Variants in TMEM26 observed in about 807,000 individuals in gnomAD.
The protein encoded by TMEM26 is transmembrane protein 26.
Under a neutral mutation model 28.8 loss-of-function variants are expected in TMEM26, and 38 were observed. That is an observed-to-expected ratio of 1.32 (90% CI 1.02 to 1.73). TMEM26 has a LOEUF of 1.73. TMEM26 is among the 40% of genes most tolerant of loss of function. The pLI is 0.00. For missense variants in TMEM26, 518 were observed against 447.1 expected (o/e 1.16, Z -1.43); for synonymous variants, 227 against 182.9 (o/e 1.24, Z -1.95).
intron 5 of TMEM26, among the ~76,000 whole-genome samples, chr10:61,411,095 G>A (rs1227229444): frequency 6.6e-6 from 1 of 152,152 alleles, no homozygotes; most frequent in Admixed American, 6.5e-5. Flanking sequence ...AAAAAATAAA[G>A]GAAGCCACCA....
chr10:61,451,225 A>G (rs1056745235), intron 1 of TMEM26, among the ~76,000 whole-genome samples: 3 of 152,212 alleles, frequency 2.0e-5, no homozygotes. Flanking sequence ...ACCAATCAGC[A>G]GTAAACAAAG....
At chr10:61,414,056 C>T (rs1839612058) in intron 4 of TMEM26, 1 of 986,278 alleles carries the variant, frequency 1.0e-6, no homozygotes, top group Non-Finnish European at 1.2e-6. Flanking sequence ...AAGATTTATA[C>T]CAGATAGTAG....
intron 3 of TMEM26, among the ~76,000 whole-genome samples, chr10:61,429,838 A>C (rs1839892394): frequency 6.6e-6 from 1 of 152,094 alleles, no homozygotes; most frequent in South Asian, 2.1e-4. Context: ...GCCCAATTAC[A>C]TTCTAAATAA....
chr10:61,418,135 C>T (rs1026638777), intron 4 of TMEM26, among the ~76,000 whole-genome samples: 7 of 151,648 alleles, frequency 4.6e-5, no homozygotes, highest in African/African-American at 2.4e-5. Flanking sequence ...AAGACTATTG[C>T]AATACAGGAG....
In TMEM26 at chr10:61,429,127, T is replaced by A. The variant is rs748608233; in HGVS notation, c.404A>T (p.Asn135Ile). 3 of 1,612,706 alleles carry A rather than the reference T, an allele frequency of 1.9e-6. No homozygotes were observed. The East Asian group carries it at 6.7e-5, about 36-fold the overall frequency. Residue 135 changes from asparagine to isoleucine, a missense_variant, in exon 4 of 6, where the codon AAC (asparagine) becomes ATC (isoleucine). Physicochemically the swap from Asn to Ile is moderately radical, Grantham distance 149. Transcript: ENST00000399298. ...AACTTTCTCACATACTGTAGATAAG[T>A]TATTCACAAAAACTTTGGCCTGTTT... ...LIETAKVFVNNLSTVCEKVWT... is the reference protein window; with the variant it reads ...LIETAKVFVNILSTVCEKVWT...
chr10:61,449,388 T>C (rs1840238711), intron 1 of TMEM26, among the ~76,000 whole-genome samples: 1 of 152,212 alleles, frequency 6.6e-6, no homozygotes, highest in African/African-American at 2.4e-5. Flanking sequence ...TTACTAGTGT[T>C]GATGTAATGT....
chr10:61,453,270 T>G lies in TMEM26; in HGVS notation c.-189A>C. 1.6e-6 allele frequency: 1 copy of G among 611,728 alleles called. No individual in the cohort carries two copies. The highest frequency in any genetic ancestry group is 2.9e-6 in the Non-Finnish European group (1 of 350,196). 37.9% of individuals were successfully genotyped at this position (611,728 alleles called of 1,614,324 possible). On this transcript the variant is annotated 5_prime_UTR_variant, in exon 1 of 6. Coordinates refer to ENST00000399298, the MANE Select transcript of TMEM26 (RefSeq NM_178505.8). Reference sequence around the variant, plus strand: ...CGGCTCGCCCCTCCCCCAAACTTCCTGAGAACTCTTCAAAGAGGGGTGAGT... The same window carrying G: ...CGGCTCGCCCCTCCCCCAAACTTCCGGAGAACTCTTCAAAGAGGGGTGAGT...
At chr10:61,449,687 T>C (rs1402638453) in intron 1 of TMEM26, among the ~76,000 whole-genome samples, 2 of 152,236 alleles carry the variant, frequency 1.3e-5, no homozygotes, top group African/African-American at 2.4e-5. Flanking sequence ...TTCCACCTTA[T>C]ATATGTATAT....
At chr10:61,410,878 A>G in intron 5 of TMEM26, 132 bp from the exon 6 acceptor site, 1 of 935,970 alleles carries the variant, frequency 1.1e-6, no homozygotes, top group East Asian at 2.6e-5. Flanking sequence ...CAGGATGGAA[A>G]TCAAATGGAA....
Position 61,431,292 on chromosome 10 carries a change from C to A in TMEM26, c.311G>T (p.Ser104Ile), listed in dbSNP as rs762800679. The A allele has an allele frequency of 6.2e-6, 10 of 1,613,142 alleles. No homozygotes were observed. The highest frequency in any genetic ancestry group is 8.5e-6 in the Non-Finnish European group (10 of 1,179,364). ...IQAEGTSQNT[S>I]RKEDFNQTLT... ...TGTTTGATTGAAGTCTTCTTTTCTG[C>A]TGGTATTCTGTGATGTTCCTTCAGC... Residue 104 changes from serine (S) to isoleucine (I), a missense_variant, in exon 3 of 6, where the codon AGC (serine) becomes ATC (isoleucine). Physicochemically the swap from Ser to Ile is moderately radical, Grantham distance 142 (BLOSUM62 -2). Coordinates refer to ENST00000399298, the MANE Select transcript of TMEM26 (RefSeq NM_178505.8).
chr10:61,448,387 C>T (rs1355027512), intron 1 of TMEM26, among the ~76,000 whole-genome samples: 1 of 152,212 alleles, frequency 6.6e-6, no homozygotes, highest in Non-Finnish European at 1.5e-5. Context: ...AAAGGGATGA[C>T]TTAATAACTC....
intron 5 of TMEM26, 38 bp downstream of exon 5, chr10:61,413,421 A>G (rs930660620): frequency 4.4e-6 from 7 of 1,601,508 alleles, no homozygotes; most frequent in Non-Finnish European, 6.0e-6. Flanking sequence ...CAAGAGGTGT[A>G]ATTTTCTATT....
chr10:61,443,334 G>A (rs187254640), intron 1 of TMEM26, among the ~76,000 whole-genome samples: 5 of 151,630 alleles, frequency 3.3e-5, no homozygotes, highest in Admixed American at 6.6e-5. Flanking sequence ...TTGTGGCGGC[G>A]TGCGCCTGTA....
chr10:61,429,192 T>C, intron 3 of TMEM26, 46 bp from the exon 4 acceptor site: 1 of 1,500,040 alleles, frequency 6.7e-7, no homozygotes, highest in Non-Finnish European at 9.2e-7. Flanking sequence ...AGCCACCACC[T>C]GAGAGAGAAA....
In TMEM26 at chr10:61,429,138, A is replaced by G; in HGVS notation, c.393T>C (p.Val131=). Reference sequence around the variant, plus strand: ...ATACTGTAGATAAGTTATTCACAAAAACTTTGGCCTGTTTAACAGAAATGT... The same window carrying G: ...ATACTGTAGATAAGTTATTCACAAAGACTTTGGCCTGTTTAACAGAAATGT... The part of the protein sequence containing the change: ...RADDLIETAK[V]FVNNLSTVCE... Residue 131 remains valine, a synonymous_variant, in exon 4 of 6, where the codon GTT becomes GTC. Coordinates refer to ENST00000399298, the MANE Select transcript of TMEM26 (RefSeq NM_178505.8). 2 of 1,612,416 alleles carry G rather than the reference A, an allele frequency of 1.2e-6. No individual in the cohort carries two copies. The highest frequency in any genetic ancestry group is 1.7e-6 in the Non-Finnish European group (2 of 1,179,150).
chr10:61,436,406 A>G (rs1411895193), intron 1 of TMEM26, among the ~76,000 whole-genome samples, 158 bp from the exon 2 acceptor site: 1 of 152,194 alleles, frequency 6.6e-6, no homozygotes, highest in Non-Finnish European at 1.5e-5. Context: ...ATGAAGAAAA[A>G]AGCATTATGT....
chr10:61,443,732 A>T (rs1840134172), intron 1 of TMEM26, among the ~76,000 whole-genome samples: 1 of 152,216 alleles, frequency 6.6e-6, no homozygotes, highest in Non-Finnish European at 1.5e-5. Flanking sequence ...ATATTCCCAA[A>T]TAATGATATA....
chr10:61,441,745 T>A (rs1053204536), intron 1 of TMEM26, among the ~76,000 whole-genome samples: 4 of 152,158 alleles, frequency 2.6e-5, no homozygotes, highest in Non-Finnish European at 4.4e-5. Flanking sequence ...CAATACCCTA[T>A]TACCAGTGAG....
intron 1 of TMEM26, among the ~76,000 whole-genome samples, chr10:61,443,337 C>A (rs550968157): frequency 6.7e-6 from 1 of 150,126 alleles, no homozygotes; most frequent in Non-Finnish European, 1.5e-5. Context: ...TGGCGGCGTG[C>A]GCCTGTAGTC....
Sources: gnomAD v4.1 joint callset for allele counts (sites outside exome capture counted in the v4.1 genomes callset) on GRCh38, gnomAD v4.1.1 for gene constraint, MANE v1.5 for transcripts, NCBI Gene and HGNC (gene_info 2026-07-23, HGNC 2026-07-21) for gene names.